The following NEK5 variants were observed in gnomAD, a reference collection of about 807,000 sequenced individuals.
The protein encoded by NEK5 is serine/threonine-protein kinase Nek5.
A neutral mutation model predicts 109.2 loss-of-function variants in NEK5; 88 were observed. The ratio of observed to expected loss-of-function variants is 0.81; its 90% CI spans 0.68 to 0.96. The LOEUF (loss-of-function observed/expected upper bound fraction) is 0.96, where lower values mean the gene tolerates loss of function less well. Ranked by LOEUF, NEK5 falls within the 40% of genes least tolerant of loss-of-function variation. The pLI is 0.00. For missense variants in NEK5, 834 were observed against 920.7 expected, an observed-to-expected ratio of 0.91 and a Z score of 1.22; for synonymous variants, 283 against 299.9, an observed-to-expected ratio of 0.94 and a Z score of 0.58.
intron 23 of NEK5, among the ~76,000 whole-genome samples, chr13:52,045,664 C>T (rs1954452000): frequency 1.4e-5 from 2 of 146,886 alleles, no homozygotes; most frequent in Non-Finnish European, 3.0e-5. Context: ...ACTCGGGAGG[C>T]TGAGGCAGGA....
intron 23 of NEK5, among the ~76,000 whole-genome samples, chr13:52,049,526 CCAA>C (rs1212564423): frequency 6.6e-6 from 1 of 151,932 alleles, no homozygotes; most frequent in Non-Finnish European, 1.5e-5. Flanking sequence ...CACCAAAATC[CCAA>C]CAACGTTTCT....
chr13:52,120,640 G>A lies in NEK5; in HGVS notation c.118-1225C>T, dbSNP rs539081567. 8.5e-5 allele frequency among the ~76,000 whole-genome samples: 13 copies of A among 152,212 alleles called. No individual in the cohort carries two copies. The South Asian group carries it at 2.7e-3, about 32-fold the overall frequency. ...CTAAAGCAAAATTTGGCTGGGTGTG[G>A]TAGCTCATGCCTGTAATCCCAGCTC... On this transcript the variant is annotated intron_variant, in intron 3 of 23. Coordinates refer to ENST00000684899, the MANE Select transcript of NEK5 (RefSeq NM_001365552.1).
chr13:52,065,343 C>G, intron 21 of NEK5, 141 bp downstream of exon 21: 1 of 1,213,462 alleles, frequency 8.2e-7, no homozygotes, highest in Non-Finnish European at 1.2e-6. Flanking sequence ...AGGGAGATAT[C>G]AAAACAACAT....
chr13:52,069,609 C>A (rs1188959702), intron 20 of NEK5, among the ~76,000 whole-genome samples: 1 of 152,112 alleles, frequency 6.6e-6, no homozygotes, highest in Admixed American at 6.6e-5. Flanking sequence ...CTCTCCCGAC[C>A]CCATTACCCT....
intron 4 of NEK5, among the ~76,000 whole-genome samples, chr13:52,115,166 A>G (rs1481882838): frequency 6.6e-6 from 1 of 150,916 alleles, no homozygotes; most frequent in African/African-American, 2.4e-5. Context: ...GGCGCCCGCC[A>G]CCATGCCCGG....
chr13:52,080,988 TAA>T (rs35236001), intron 17 of NEK5, among the ~76,000 whole-genome samples: 1 of 146,044 alleles, frequency 6.8e-6, no homozygotes, highest in Non-Finnish European at 1.5e-5. Flanking sequence ...ATATGTCATT[TAA>T]AAAAAAAAAA....
At chr13:52,064,018 G>A (rs1363152664) in intron 21 of NEK5, among the ~76,000 whole-genome samples, 8 of 110,122 alleles carry the variant, frequency 7.3e-5, no homozygotes, top group African/African-American at 1.4e-4. Flanking sequence ...TCAGCCCCCC[G>A]CCCGGCCAGC....
intron 5 of NEK5, among the ~76,000 whole-genome samples, chr13:52,111,575 A>C (rs912442904): frequency 6.6e-6 from 1 of 152,204 alleles, no homozygotes; most frequent in Non-Finnish European, 1.5e-5. Context: ...AATAGAACAA[A>C]GAAACAATGG....
chr13:52,105,658 G>C (rs1022259287), intron 8 of NEK5, among the ~76,000 whole-genome samples: 4 of 152,124 alleles, frequency 2.6e-5, no homozygotes, highest in African/African-American at 9.7e-5. Flanking sequence ...AGCCAGGGCA[G>C]AGAATTCATA....
chr13:52,078,368 G>A (rs989361225), intron 17 of NEK5, among the ~76,000 whole-genome samples: 11 of 152,104 alleles, frequency 7.2e-5, no homozygotes, highest in African/African-American at 2.4e-4. Flanking sequence ...AACCTACAGC[G>A]ACAGAAAGCA....
chr13:52,089,352 A>G (rs1955227382), intron 13 of NEK5, 39 bp from the exon 14 acceptor site: 3 of 1,340,730 alleles, frequency 2.2e-6, no homozygotes, highest in Non-Finnish European at 3.2e-6. Flanking sequence ...TAGAAACTTG[A>G]ACAAATCTTA....
chr13:52,113,273 C>T (rs998113746), intron 4 of NEK5, among the ~76,000 whole-genome samples: 1 of 152,076 alleles, frequency 6.6e-6, no homozygotes, highest in African/African-American at 2.4e-5. Flanking sequence ...ACATAACTTA[C>T]ATAAGAAAGA....
At position 52,106,859 on chromosome 13, in the gene NEK5, T is replaced by A. The variant is rs182933311; in HGVS notation, c.554+1459A>T. Among the ~76,000 whole-genome samples, 7 of 152,200 alleles carry A rather than the reference T, an allele frequency of 4.6e-5. No individual in the cohort carries two copies. The East Asian group carries it at 1.4e-3, about 29-fold the overall frequency. ...TAAAGCTGGAAGACACCTTGAAGAT[T>A]ACCTAGTCAATACTCTCATTATTAT... On this transcript the variant is annotated intron_variant, in intron 8 of 23. Transcript: ENST00000684899.
intron 4 of NEK5, among the ~76,000 whole-genome samples, 184 bp from the exon 5 acceptor site, chr13:52,112,549 ATAT>A (rs768885989): frequency 2.0e-4 from 31 of 152,356 alleles, no homozygotes; most frequent in Admixed American, 1.6e-3. Flanking sequence ...TAAAATGGAA[ATAT>A]TATAGAAATT....
chr13:52,099,886 C>T lies in NEK5; in HGVS notation c.893-10G>A. ...TTTTGTATTTTACACTCTTAATTAA[C>T]CAAAATAAAACAGCTTCAATTTTTT... On this transcript the variant is annotated splice_polypyrimidine_tract_variant and intron_variant, in intron 11 of 23. Coordinates refer to ENST00000684899, the MANE Select transcript of NEK5 (RefSeq NM_001365552.1). 6.2e-7 allele frequency: 1 copy of T among 1,609,726 alleles called. No homozygotes were observed. The highest frequency in any genetic ancestry group is 8.5e-7 in the Non-Finnish European group (1 of 1,177,230).
At position 52,089,269 on chromosome 13, in the gene NEK5, T is replaced by C; in HGVS notation, c.1253A>G (p.Lys418Arg). The C allele has an allele frequency of 6.2e-7, 1 of 1,605,190 alleles. No individual in the cohort carries two copies. Among genetic ancestry groups the C allele is most frequent in the Non-Finnish European group, 8.5e-7 (1 of 1,172,252 alleles). Residue 418 changes from lysine (K) to arginine (R), a missense_variant, in exon 14 of 24, where the codon AAG becomes AGG. Lys to Arg is a conservative substitution (Grantham distance 26, BLOSUM62 2). Transcript: ENST00000684899. The part of the protein sequence containing the change: ...LQRKFEAQQY[K>R]LKVEKQLGLR... ...TACCAATTGCTTCTCCACTTTCAAC[T>C]TATATTGTTGAGCTTCAAATTTTCT...
chr13:52,108,967 G>A (rs568963978), intron 7 of NEK5, among the ~76,000 whole-genome samples: 12 of 152,270 alleles, frequency 7.9e-5, no homozygotes, highest in Middle Eastern at 3.4e-3. Context: ...ACATGGCCAT[G>A]GCCATGCCAA....
chr13:52,045,901 T>A (rs1954454889), intron 23 of NEK5, among the ~76,000 whole-genome samples: 2 of 149,694 alleles, frequency 1.3e-5, no homozygotes, highest in Non-Finnish European at 3.0e-5. Flanking sequence ...TGAAACCCCA[T>A]CTCTACTAAA....
intron 17 of NEK5, among the ~76,000 whole-genome samples, chr13:52,078,912 CA>C (rs1330315277): frequency 1.3e-5 from 2 of 152,232 alleles, no homozygotes; most frequent in Non-Finnish European, 2.9e-5. Flanking sequence ...CCAAGCAAAT[CA>C]GACAACCAAC....
Sources: allele counts gnomAD v4.1 joint callset (sites outside exome capture counted in the v4.1 genomes callset), GRCh38; gene constraint gnomAD v4.1.1; transcripts MANE v1.5; gene names NCBI Gene and HGNC (gene_info 2026-07-23, HGNC 2026-07-21).